Variants in MACROD2 observed in about 807,000 individuals in gnomAD.
MACROD2 encodes the protein ADP-ribose glycohydrolase MACROD2.
Under a neutral mutation model 70.4 loss-of-function variants are expected in MACROD2, and 36 were observed. That is an observed-to-expected ratio of 0.51 (90% confidence interval 0.39 to 0.68). The LOEUF is 0.68. Ranked by LOEUF, MACROD2 falls within the 30% of genes least tolerant of loss-of-function variation. The pLI is 0.00. For missense variants in MACROD2, 496 were observed against 538.4 expected, an observed-to-expected ratio of 0.92 and a Z score of 0.78; for synonymous variants, 172 against 178.8, an observed-to-expected ratio of 0.96 and a Z score of 0.30.
chr20:14,489,074 T>C (rs2084765548), intron 3 of MACROD2, among the ~76,000 whole-genome samples: 1 of 152,228 alleles, frequency 6.6e-6, no homozygotes, highest in Admixed American at 6.5e-5. Context: ...GAATAATCAG[T>C]CTTTTCTTCA....
At chr20:15,440,045 G>A (rs1018577194) in intron 7 of MACROD2, among the ~76,000 whole-genome samples, 8 of 152,136 alleles carry the variant, frequency 5.3e-5, no homozygotes, top group Non-Finnish European at 8.8e-5. Flanking sequence ...TTTAACAAAA[G>A]AGGCTAGACA....
intron 3 of MACROD2, among the ~76,000 whole-genome samples, chr20:14,110,823 A>T (rs1243490894): frequency 1.3e-5 from 2 of 151,982 alleles, no homozygotes; most frequent in Non-Finnish European, 2.9e-5. Context: ...GATTCAGTGC[A>T]GTCCCTATCA....
At chr20:15,835,925 C>A (rs2064109216) in intron 8 of MACROD2, among the ~76,000 whole-genome samples, 1 of 152,208 alleles carries the variant, frequency 6.6e-6, no homozygotes, top group Non-Finnish European at 1.5e-5. Flanking sequence ...AGAAAAGCCA[C>A]ATGCATCAAA....
chr20:14,494,339 T>G (rs2084828760), intron 4 of MACROD2, among the ~76,000 whole-genome samples: 1 of 152,102 alleles, frequency 6.6e-6, no homozygotes, highest in African/African-American at 2.4e-5. Context: ...GTGCAGAGCC[T>G]TAGGCTTTCA....
chr20:14,338,873 G>A (rs1281975035), intron 3 of MACROD2, among the ~76,000 whole-genome samples: 12 of 152,276 alleles, frequency 7.9e-5, no homozygotes, highest in Non-Finnish European at 1.5e-4. Context: ...CTTTGTGCCC[G>A]TAAGTTTTCC....
intron 5 of MACROD2, among the ~76,000 whole-genome samples, chr20:15,090,619 G>A (rs1410065370): frequency 1.3e-5 from 2 of 152,070 alleles, no homozygotes; most frequent in Non-Finnish European, 1.5e-5. Context: ...CATGAATGGG[G>A]CTGAAAGAGC....
intron 5 of MACROD2, among the ~76,000 whole-genome samples, chr20:14,760,450 A>G (rs562319521): frequency 1.3e-5 from 2 of 152,062 alleles, no homozygotes; most frequent in East Asian, 3.9e-4. Flanking sequence ...AGTTCTTATT[A>G]TTTTCTGGCA....
intron 4 of MACROD2, among the ~76,000 whole-genome samples, chr20:14,524,885 A>G (rs2085212606): frequency 6.6e-6 from 1 of 152,066 alleles, no homozygotes; most frequent in Non-Finnish European, 1.5e-5. Context: ...CTGTCTCTGT[A>G]TTGCTTTCCT....
chr20:14,322,201 T>TA (rs1568553949), intron 3 of MACROD2, among the ~76,000 whole-genome samples: 2,930 of 124,680 alleles, frequency 0.024, 94 homozygotes, highest in South Asian at 0.052. Context: ...TATATATATA[T>TA]TTTGTATTTT....
At position 15,431,353 on chromosome 20, in the gene MACROD2, G is replaced by A; in HGVS notation, c.541-52G>A. 4 of 1,495,010 alleles carry A rather than the reference G, an allele frequency of 2.7e-6. No individual in the cohort carries two copies. The South Asian group carries it at 4.5e-5, about 17-fold the overall frequency. The allele number at this position is 1,495,010 out of a possible 1,614,324, so 92.6% of individuals were successfully genotyped here. On this transcript the variant is annotated intron_variant, in intron 6 of 17. Transcript: ENST00000684519. ...AATAGATGTTGAGAAAGATGATGTT[G>A]CGTAGAGTTGTTTCTTTAATATTCA...
intron 4 of MACROD2, among the ~76,000 whole-genome samples, chr20:14,627,920 TAGAC>T (rs1984279148): frequency 6.6e-6 from 1 of 152,180 alleles, no homozygotes; most frequent in Admixed American, 6.5e-5. Flanking sequence ...GATAAATTAA[TAGAC>T]AGTTAAAATA....
chr20:14,904,316 A>G (rs1313240310), intron 5 of MACROD2, among the ~76,000 whole-genome samples: 7 of 152,156 alleles, frequency 4.6e-5, no homozygotes, highest in Non-Finnish European at 1.0e-4. Context: ...AAATAGAAAA[A>G]TCAGTGTATA....
chr20:14,611,627 G>A lies in MACROD2; in HGVS notation c.302-73216G>A, dbSNP rs150472316. Among the ~76,000 whole-genome samples the A allele has an allele frequency of 5.3e-5, 8 of 152,154 alleles. 1 individual carries two copies. Among genetic ancestry groups the A allele is most frequent in the African/African-American group, 1.9e-4 (8 of 41,534 alleles). On this transcript the variant is annotated intron_variant, in intron 4 of 17. Coordinates refer to ENST00000684519, the MANE Select transcript of MACROD2 (RefSeq NM_001351661.2). ...GGCCTGGCTCAGTGCCTGACACATG[G>A]TAGGTGCTCTGCAGACCTGGGTCCA...
rs61542762 is a variant in MACROD2 at position 15,729,831 on chromosome 20, C to CTTTTTTTTTT, written c.646-132908_646-132899dup. ...GAACACAGCATGCAGTTGGGTCATG[C>CTTTTTTTTTT]TTTTTTTTTTTTTTTGGATGGAGTT... is the stretch of plus-strand genomic sequence containing the variant. On this transcript the variant is annotated intron_variant, in intron 8 of 17. Transcript: ENST00000684519. 1.5e-3 allele frequency among the ~76,000 whole-genome samples: 98 copies of CTTTTTTTTTT among 64,752 alleles called. 23 individuals carry two copies. The highest frequency in any genetic ancestry group is 5.1e-3 in the South Asian group (8 of 1,566). The allele number at this position is 64,752 out of a possible 152,430, so 42.5% of individuals were successfully genotyped here.
At chr20:15,381,655 G>A (rs1386435775) in intron 6 of MACROD2, among the ~76,000 whole-genome samples, 1 of 152,128 alleles carries the variant, frequency 6.6e-6, no homozygotes, top group Non-Finnish European at 1.5e-5. Flanking sequence ...GACAGAAGGA[G>A]ACCCTGTCTC....
At chr20:15,688,752 AGTGG>A (rs2146873652) in intron 8 of MACROD2, among the ~76,000 whole-genome samples, 2 of 152,344 alleles carry the variant, frequency 1.3e-5, no homozygotes, top group Non-Finnish European at 2.9e-5. Context: ...TTTCTTTTTC[AGTGG>A]GTCCTATGCC....
chr20:15,155,360 G>T (rs1040938999), intron 5 of MACROD2, among the ~76,000 whole-genome samples: 1 of 152,046 alleles, frequency 6.6e-6, no homozygotes, highest in South Asian at 2.1e-4. Context: ...ATTTCTCACT[G>T]CTCTCTCTTG....
intron 5 of MACROD2, among the ~76,000 whole-genome samples, chr20:14,808,299 A>G (rs546025976): frequency 2.9e-4 from 44 of 152,258 alleles, no homozygotes; most frequent in African/African-American, 1.0e-3. Flanking sequence ...TAAAGAAAAT[A>G]ATTTTCAACC....
At chr20:14,657,925 C>T (rs2123526334) in intron 4 of MACROD2, among the ~76,000 whole-genome samples, 1 of 150,400 alleles carries the variant, frequency 6.6e-6, no homozygotes, top group South Asian at 2.1e-4. Context: ...TGTGGCTTAG[C>T]ATACTGAGCT....
Sources: gnomAD v4.1 joint callset for allele counts (sites outside exome capture counted in the v4.1 genomes callset) on GRCh38, gnomAD v4.1.1 for gene constraint, MANE v1.5 for transcripts, NCBI Gene and HGNC (gene_info 2026-07-23, HGNC 2026-07-21) for gene names.